DYNC1H1: variants seen among roughly 807,000 people sequenced by gnomAD.
DYNC1H1 encodes cytoplasmic dynein 1 heavy chain 1.
A neutral mutation model predicts 527.1 loss-of-function variants in DYNC1H1; 51 were observed. The ratio of observed to expected loss-of-function variants is 0.10; its 90% CI spans 0.08 to 0.12. The LOEUF (loss-of-function observed/expected upper bound fraction) is 0.12, where lower values mean the gene tolerates loss of function less well. DYNC1H1 is among the 10% of genes least tolerant of loss of function. The pLI is 1.00. For missense variants in DYNC1H1, 2,771 were observed against 5,971.8 expected, an observed-to-expected ratio of 0.46 and a Z score of 17.66; for synonymous variants, 2,189 against 2,278.8, an observed-to-expected ratio of 0.96 and a Z score of 1.12.
intron 73 of DYNC1H1, 95 bp from the exon 74 acceptor site, chr14:102,048,421 G>T: frequency 1.3e-6 from 2 of 1,535,828 alleles, no homozygotes; most frequent in South Asian, 2.3e-5. Flanking sequence ...GGAAGCTCTG[G>T]GGCTCTCCCC....
Position 102,036,502 on chromosome 14 carries a change from A to C in DYNC1H1, c.10768A>C (p.Ile3590Leu), listed in dbSNP as rs2152593630. The C allele has an allele frequency of 1.9e-6, 3 of 1,613,936 alleles. No individual in the cohort carries two copies. The highest frequency in any genetic ancestry group is 3.3e-5 in the Admixed American group (2 of 60,020). The change falls in exon 57 of 78, where the codon ATT (isoleucine) becomes CTT (leucine). Residue 3590 changes from isoleucine (I) to leucine (L), a missense_variant. By Grantham distance (5) the Ile-to-Leu change is conservative (BLOSUM62 2). This residue lies in a region of DYNC1H1 where 283 missense variants were observed against 737.6 expected (regional missense o/e 0.38). Coordinates refer to ENST00000360184, the MANE Select transcript of DYNC1H1 (RefSeq NM_001376.5). The surrounding 1 kb of genome is among the most constrained non-coding windows in gnomAD (Gnocchi z 5.6). ...CCTCATCCTCAGGTATCCGCTGATC[A>C]TTGACCCCTCTGGACAGGCCACAGA... ...LKRFNRYPLI[I>L]DPSGQATEFI...
chr14:102,034,254 CAGTTAG>C lies in DYNC1H1; in HGVS notation c.10627-67_10627-62del. 2.5e-6 allele frequency: 4 copies of C among 1,614,134 alleles called. No homozygotes were observed. The South Asian group carries it at 4.4e-5, about 18-fold the overall frequency. On this transcript the variant is annotated intron_variant, in intron 55 of 77. Coordinates refer to ENST00000360184, the MANE Select transcript of DYNC1H1 (RefSeq NM_001376.5). ...GTGAGGCAAGCTGGTGTTTAGTGCACAGTTAGAGTCTTGAGAACAGTCCCATCTGTG... is the reference window on the plus strand; with the variant it reads ...GTGAGGCAAGCTGGTGTTTAGTGCACAGTCTTGAGAACAGTCCCATCTGTG...
chr14:102,032,834 CAG>C, intron 52 of DYNC1H1: 1 of 586,194 alleles, frequency 1.7e-6, no homozygotes, highest in South Asian at 2.0e-5. Flanking sequence ...GCCTGGGTGA[CAG>C]AGAAAAACCC....
Position 101,987,584 on chromosome 14 carries a change from G to T in DYNC1H1, c.2670G>T (p.Leu890=), listed in dbSNP as rs142961295. ...RVQKAVDDLN[L]HSYSNLPIWV... is the part of the protein sequence containing the mutation. Reference sequence around the variant, plus strand: ...AGAAAGCAGTGGATGACTTAAATCTGCACTCCTATTCCAATTTGCCCATCT... The same window carrying T: ...AGAAAGCAGTGGATGACTTAAATCTTCACTCCTATTCCAATTTGCCCATCT... Residue 890 remains leucine, a synonymous_variant, in exon 9 of 78, where the codon CTG becomes CTT. Coordinates refer to ENST00000360184, the MANE Select transcript of DYNC1H1 (RefSeq NM_001376.5). 28 of 1,614,138 alleles carry T rather than the reference G, an allele frequency of 1.7e-5. No individual in the cohort carries two copies. The African/African-American group carries it at 3.5e-4, about 20-fold the overall frequency.
rs540739395 is a variant in DYNC1H1 at position 102,001,509 on chromosome 14, C to T, written c.4396-26C>T. On this transcript the variant is annotated intron_variant, in intron 20 of 77. Coordinates refer to ENST00000360184, the MANE Select transcript of DYNC1H1 (RefSeq NM_001376.5). This position sits in a 1 kb window ranked among gnomAD's most constrained non-coding sequence, Gnocchi z 5.0. ...GTAGTGAATGCCCACATATTGATAA[C>T]ATGCATCTTTCTGGTTTGAATTCAG... is the stretch of plus-strand genomic sequence containing the variant. 9 of 1,614,104 alleles carry T rather than the reference C, an allele frequency of 5.6e-6. No individual in the cohort carries two copies. Among genetic ancestry groups the T allele is most frequent in the Non-Finnish European group, 7.6e-6 (9 of 1,180,028 alleles).
At chr14:101,998,879 C>CTTTTTTTTTTGTTTTTTT (rs1470140199) in intron 16 of DYNC1H1, among the ~76,000 whole-genome samples, 1 of 115,220 alleles carries the variant, frequency 8.7e-6, no homozygotes, top group African/African-American at 3.8e-5. Context: ...AAAACTTTTT[C>CTTTTTTTTTTGTTTTTTT]TTTTTTTTTT....
At position 102,018,675 on chromosome 14, in the gene DYNC1H1, G is replaced by A. The variant is rs1017105079; in HGVS notation, c.8343+59G>A. 3.8e-6 allele frequency: 6 copies of A among 1,590,934 alleles called. No homozygotes were observed. The South Asian group carries it at 4.5e-5, about 12-fold the overall frequency. ...TTTTCCTCTCATAATTAAGGCACTCGATTGGTCAGGTGTGGTGGTTCACAC... is the reference window on the plus strand; with the variant it reads ...TTTTCCTCTCATAATTAAGGCACTCAATTGGTCAGGTGTGGTGGTTCACAC... On this transcript the variant is annotated intron_variant, in intron 41 of 77. Coordinates refer to ENST00000360184, the MANE Select transcript of DYNC1H1 (RefSeq NM_001376.5). This position sits in a 1 kb window ranked among gnomAD's most constrained non-coding sequence, Gnocchi z 5.2.
At chr14:102,037,423 CAAAAAAAAAA>C (rs71305087) in intron 57 of DYNC1H1, 2 of 68,184 alleles carry the variant, frequency 2.9e-5, no homozygotes, top group Non-Finnish European at 6.1e-5. Flanking sequence ...GACTCCATCT[CAAAAAAAAAA>C]AAAAAAAAGA....
chr14:102,008,440 T>A, intron 29 of DYNC1H1, 103 bp downstream of exon 29: 1 of 1,436,164 alleles, frequency 7.0e-7, no homozygotes, highest in Non-Finnish European at 9.5e-7. Flanking sequence ...AGAATTTAGC[T>A]CACAGGAGCT....
Position 102,049,630 on chromosome 14 carries a change from C to A in DYNC1H1, c.13515+48C>A, listed in dbSNP as rs200087922. 99 of 1,613,082 alleles carry A rather than the reference C, an allele frequency of 6.1e-5. No individual in the cohort carries two copies. Among genetic ancestry groups the A allele is most frequent in the Admixed American group, 1.7e-5 (1 of 59,990 alleles). On this transcript the variant is annotated intron_variant, in intron 75 of 77. Coordinates refer to ENST00000360184, the MANE Select transcript of DYNC1H1 (RefSeq NM_001376.5). The surrounding 1 kb of genome is among the most constrained non-coding windows in gnomAD (Gnocchi z 5.5). ...TCGGGTGGTCAGCAGCTGTCCTGGG[C>A]TGGGGTGGGAGTGGCTCTGGGGAAA...
At chr14:101,980,118 G>C (rs2047846507) in intron 4 of DYNC1H1, 144 bp downstream of exon 4, 1 of 1,347,710 alleles carries the variant, frequency 7.4e-7, no homozygotes, top group Non-Finnish European at 1.0e-6. Context: ...GTCCAGTGCA[G>C]GACTAGCCTT....
Position 102,030,200 on chromosome 14 carries a change from G to A in DYNC1H1, c.9801G>A (p.Gln3267=), listed in dbSNP as rs1157990881. ...AAATCCAGGAACAGCTGCATAAGCAGCAGGAGGTAATTGCAGACAAACAGA... is the reference window on the plus strand; with the variant it reads ...AAATCCAGGAACAGCTGCATAAGCAACAGGAGGTAATTGCAGACAAACAGA... ...SQEIQEQLHK[Q]QEVIADKQMS... Residue 3267 remains glutamine (Q), a synonymous_variant, in exon 51 of 78, where the codon CAG becomes CAA. Transcript: ENST00000360184. 3 of 1,614,056 alleles carry A rather than the reference G, an allele frequency of 1.9e-6. No individual in the cohort carries two copies. The highest frequency in any genetic ancestry group is 1.3e-5 in the African/African-American group (1 of 74,928).
chr14:101,982,873 T>A, intron 5 of DYNC1H1, 146 bp from the exon 6 acceptor site: 1 of 976,570 alleles, frequency 1.0e-6, no homozygotes, highest in Non-Finnish European at 1.5e-6. Context: ...ATCCTGTTAA[T>A]AACGTGTTGT....
intron 2 of DYNC1H1, among the ~76,000 whole-genome samples, chr14:101,978,752 C>T (rs1444672595): frequency 6.6e-6 from 1 of 152,100 alleles, no homozygotes; most frequent in African/African-American, 2.4e-5. Flanking sequence ...AGGGGAAGCC[C>T]ACAGAAGAGG....
intron 10 of DYNC1H1, among the ~76,000 whole-genome samples, chr14:101,991,127 G>C (rs1173063179): frequency 6.6e-6 from 1 of 152,014 alleles, no homozygotes; most frequent in Non-Finnish European, 1.5e-5. Context: ...AGTGAGCCAT[G>C]TCGCCATCGC....
At position 102,044,131 on chromosome 14, in the gene DYNC1H1, C is replaced by T. The variant is rs1171959953; in HGVS notation, c.12684+86C>T. 15 of 1,588,648 alleles carry T rather than the reference C, an allele frequency of 9.4e-6. No homozygotes were observed. The highest frequency in any genetic ancestry group is 4.5e-5 in the East Asian group (2 of 44,140). ...CGTGGTGCTGAGAGGCCAGACTCTGCGTGGAAGAGCGAGCTGACCCCTCGT... is the reference window on the plus strand; with the variant it reads ...CGTGGTGCTGAGAGGCCAGACTCTGTGTGGAAGAGCGAGCTGACCCCTCGT... On this transcript the variant is annotated intron_variant, in intron 70 of 77. Coordinates refer to ENST00000360184, the MANE Select transcript of DYNC1H1 (RefSeq NM_001376.5). This position sits in a 1 kb window ranked among gnomAD's most constrained non-coding sequence, Gnocchi z 7.1.
At chr14:101,989,050 A>G (rs1227313455) in intron 10 of DYNC1H1, among the ~76,000 whole-genome samples, 198 bp downstream of exon 10, 2 of 152,172 alleles carry the variant, frequency 1.3e-5, no homozygotes, top group East Asian at 3.9e-4. Context: ...AGGGCAGGTC[A>G]CCTCTGCGCT....
Position 102,029,520 on chromosome 14 carries a change from T to G in DYNC1H1, c.9469-19T>G. On this transcript the variant is annotated intron_variant, in intron 48 of 77. Coordinates refer to ENST00000360184, the MANE Select transcript of DYNC1H1 (RefSeq NM_001376.5). This position sits in a 1 kb window ranked among gnomAD's most constrained non-coding sequence, Gnocchi z 5.3. ...CAGAGTTTCCTGAAGAGTGAGAAGA[T>G]GTAACTATTTTCTGAAAGGCGAATG... 1 of 1,614,084 alleles carries G rather than the reference T, an allele frequency of 6.2e-7. No homozygotes were observed. The highest frequency in any genetic ancestry group is 8.5e-7 in the Non-Finnish European group (1 of 1,179,984).
Position 101,994,722 on chromosome 14 carries a change from A to G in DYNC1H1, c.3206A>G (p.Tyr1069Cys). The change falls in exon 13 of 78, where the codon TAT becomes TGT. Residue 1069 changes from tyrosine to cysteine, a missense_variant. By Grantham distance (194) the Tyr-to-Cys change is radical. Around this residue, in one of 32 missense-constraint regions of DYNC1H1, gnomAD observed 179 missense variants for 349.4 expected, o/e 0.51. Coordinates refer to ENST00000360184, the MANE Select transcript of DYNC1H1 (RefSeq NM_001376.5). ...TGGGATATGCAAGCTGAAAACATCTATAACAGACTTGGAGAAGATCTCAAC... is the reference window on the plus strand; with the variant it reads ...TGGGATATGCAAGCTGAAAACATCTGTAACAGACTTGGAGAAGATCTCAAC... ...CLWDMQAENI[Y>C]NRLGEDLNKW... is the part of the protein sequence containing the mutation. The G allele has an allele frequency of 6.2e-7, 1 of 1,614,282 alleles. No homozygotes were observed. The highest frequency in any genetic ancestry group is 8.5e-7 in the Non-Finnish European group (1 of 1,180,046).
Sources: allele counts gnomAD v4.1 joint callset (sites outside exome capture counted in the v4.1 genomes callset), GRCh38; gene constraint gnomAD v4.1.1; regional missense constraint gnomAD v4.1.1; non-coding constraint Gnocchi (gnomAD v3.1); transcripts MANE v1.5; gene names NCBI Gene and HGNC (gene_info 2026-07-23, HGNC 2026-07-21).